DKK3: variants seen among roughly 807,000 people sequenced by gnomAD.
DKK3 encodes the protein dickkopf Wnt signaling pathway inhibitor 3.
Under a neutral mutation model 33.2 loss-of-function variants are expected in DKK3, and 22 were observed. The observed-to-expected ratio is 0.66, with a 90% CI of 0.47 to 0.95. The LOEUF (loss-of-function observed/expected upper bound fraction) is 0.95. Among genes scored for constraint, DKK3 ranks in the 40% least tolerant of loss-of-function variants. DKK3 has a pLI of 0.00. For synonymous variants in DKK3, 194 were observed against 188.8 expected (o/e 1.03, Z -0.23); for missense variants, 398 against 458.4 (o/e 0.87, Z 1.20).
chr11:11,991,011 C>T (rs1005778864), intron 3 of DKK3, among the ~76,000 whole-genome samples: 3 of 152,204 alleles, frequency 2.0e-5, no homozygotes, highest in African/African-American at 7.2e-5. Context: ...TTCAGCAACA[C>T]GGAAACAGCA....
At chr11:12,008,715 C>T, upstream of DKK3, 1 of 1,211,720 alleles carries the variant, frequency 8.3e-7, no homozygotes, top group South Asian at 3.9e-5. This position sits in a 1 kb window ranked among gnomAD's most constrained non-coding sequence, Gnocchi z 4.6. Flanking sequence ...CCCTCTTTCC[C>T]GCACCCGCCC....
chr11:11,986,201 T>A (rs1246457856), intron 3 of DKK3, among the ~76,000 whole-genome samples: 1 of 152,154 alleles, frequency 6.6e-6, no homozygotes, highest in African/African-American at 2.4e-5. Context: ...TGTTCCTGCC[T>A]CCTTTCTGGG....
At chr11:11,998,536 G>T in intron 3 of DKK3, 160 bp downstream of exon 3, 2 of 712,064 alleles carry the variant, frequency 2.8e-6, no homozygotes, top group Non-Finnish European at 5.1e-6. Flanking sequence ...GACTACATCT[G>T]TCTGGTCAGA....
At chr11:11,980,093 C>T (rs533765209) in intron 3 of DKK3, among the ~76,000 whole-genome samples, 1 of 152,334 alleles carries the variant, frequency 6.6e-6, no homozygotes, top group East Asian at 1.9e-4. Flanking sequence ...CATGACTTCC[C>T]TTCAACAATC....
At chr11:11,995,035 G>A (rs989360545) in intron 3 of DKK3, among the ~76,000 whole-genome samples, 2 of 152,148 alleles carry the variant, frequency 1.3e-5, no homozygotes, top group African/African-American at 4.8e-5. Context: ...TCTACAAGCT[G>A]GGTGCTTTTG....
chr11:11,990,697 GCA>G (rs1848169625), intron 3 of DKK3, among the ~76,000 whole-genome samples: 1 of 152,098 alleles, frequency 6.6e-6, no homozygotes, highest in Admixed American at 6.5e-5. Context: ...GCTCCCCCAC[GCA>G]CATCTCCAGC....
rs1015342199 is a variant in DKK3 at position 11,977,561 on chromosome 11, G to A, written c.436-9074C>T. On this transcript the variant is annotated intron_variant, in intron 3 of 6. Coordinates refer to ENST00000683431, the MANE Select transcript of DKK3 (RefSeq NM_001018057.2). ...TGTCATCCCACCTGGGTTGGCAGCC[G>A]TTGGGAGAGCCCTCTCTACCCACTC... Among the ~76,000 whole-genome samples the A allele has an allele frequency of 5.3e-5, 8 of 152,168 alleles. No homozygotes were observed. The East Asian group carries it at 5.8e-4, about 11-fold the overall frequency.
At chr11:11,998,876 G>A (rs1848359335) in intron 2 of DKK3, 97 bp from the exon 3 acceptor site, 2 of 1,192,218 alleles carry the variant, frequency 1.7e-6, no homozygotes, top group Non-Finnish European at 2.5e-6. Flanking sequence ...TCTGAAGCAG[G>A]AGCATCCAGT....
intron 3 of DKK3, among the ~76,000 whole-genome samples, chr11:11,976,694 G>T (rs565930980): frequency 6.6e-6 from 1 of 152,342 alleles, no homozygotes; most frequent in East Asian, 1.9e-4. Context: ...GCCTGCTGCA[G>T]GAGGGCAGGG....
At chr11:11,999,532 G>A (rs556778277) in intron 2 of DKK3, among the ~76,000 whole-genome samples, 1 of 152,358 alleles carries the variant, frequency 6.6e-6, no homozygotes, top group South Asian at 2.1e-4. Context: ...GGCTGAGGCA[G>A]GAGAATTGCT....
rs779750179 is a variant in DKK3 at position 12,008,489 on chromosome 11, C to G, written c.94G>C (p.Val32Leu). 6.2e-7 allele frequency: 1 copy of G among 1,603,038 alleles called. No homozygotes were observed. Among genetic ancestry groups the G allele is most frequent in the Non-Finnish European group, 8.5e-7 (1 of 1,178,256 alleles). Reference sequence around the variant, plus strand: ...TAGCTGAGAGCCGGGCCGGGCTTGACTGGAGCCGAGGTCGCCGTCGGAGCG... The same window carrying G: ...TAGCTGAGAGCCGGGCCGGGCTTGAGTGGAGCCGAGGTCGCCGTCGGAGCG... The part of the protein sequence containing the change: ...APAPTATSAP[V>L]KPGPALSYPQ... Residue 32 changes from valine to leucine, a missense_variant, in exon 1 of 7, where the codon GTC (valine) becomes CTC (leucine). Coordinates refer to ENST00000683431, the MANE Select transcript of DKK3 (RefSeq NM_001018057.2). The surrounding 1 kb of genome is among the most constrained non-coding windows in gnomAD (Gnocchi z 4.6).
At chr11:11,966,325 T>C (rs1391174290) in intron 5 of DKK3, among the ~76,000 whole-genome samples, 9 of 152,024 alleles carry the variant, frequency 5.9e-5, no homozygotes, top group African/African-American at 1.9e-4. Flanking sequence ...AATTCCCAAA[T>C]AGGCCAAGAA....
In DKK3 at chr11:11,984,402, A is replaced by C. The variant is rs1472853628; in HGVS notation, c.435+14294T>G. Among the ~76,000 whole-genome samples the C allele has an allele frequency of 3.3e-5, 5 of 151,266 alleles. No individual in the cohort carries two copies. In the East Asian group the frequency reaches 9.9e-4, roughly 30 times the overall value. On this transcript the variant is annotated intron_variant, in intron 3 of 6. Coordinates refer to ENST00000683431, the MANE Select transcript of DKK3 (RefSeq NM_001018057.2). ...TGTATAACAACAGTAAGAGAAAATA[A>C]AAATATTTGTGATTGCTATTGGTAC...
rs532226603 is a variant in DKK3, at chr11:11,988,577, C to T, written c.435+10119G>A. On this transcript the variant is annotated intron_variant, in intron 3 of 6. Coordinates refer to ENST00000683431, the MANE Select transcript of DKK3 (RefSeq NM_001018057.2). ...TAAACAACCATCATCACCACAAAAC[C>T]TCCTTGGAGGCCTGAGTCCCCCATA... Among the ~76,000 whole-genome samples the T allele has an allele frequency of 1.2e-4, 19 of 152,334 alleles. No homozygotes were observed. The East Asian group carries it at 3.3e-3, about 26-fold the overall frequency.
At chr11:12,004,795 C>T (rs1361572924) in intron 1 of DKK3, among the ~76,000 whole-genome samples, 1 of 152,092 alleles carries the variant, frequency 6.6e-6, no homozygotes, top group Non-Finnish European at 1.5e-5. Context: ...TGTTTTTATC[C>T]CGTTGCCCTT....
intron 3 of DKK3, among the ~76,000 whole-genome samples, chr11:11,975,620 T>C (rs1206746268): frequency 1.3e-5 from 2 of 152,120 alleles, no homozygotes; most frequent in Non-Finnish European, 2.9e-5. Flanking sequence ...GCAGAGGTGG[T>C]CCTCTGGTAA....
chr11:11,998,670 C>A, intron 3 of DKK3, 26 bp downstream of exon 3: 1 of 1,596,456 alleles, frequency 6.3e-7, no homozygotes, highest in Non-Finnish European at 8.6e-7. Flanking sequence ...TGTCGGGGTG[C>A]AAGTACAGGG....
chr11:11,990,888 T>C (rs946520137), intron 3 of DKK3, among the ~76,000 whole-genome samples: 1 of 152,122 alleles, frequency 6.6e-6, no homozygotes, highest in Non-Finnish European at 1.5e-5. Context: ...TGTCAAGAAG[T>C]GTGAAGGGTC....
intron 3 of DKK3, among the ~76,000 whole-genome samples, chr11:11,984,767 G>T (rs1848030788): frequency 6.6e-6 from 1 of 152,024 alleles, no homozygotes; most frequent in Non-Finnish European, 1.5e-5. Context: ...CCCTGGCAGG[G>T]CTGCTGGGTG....
Sources: allele counts gnomAD v4.1 joint callset (sites outside exome capture counted in the v4.1 genomes callset), GRCh38; gene constraint gnomAD v4.1.1; non-coding constraint Gnocchi (gnomAD v3.1); transcripts MANE v1.5; gene names NCBI Gene and HGNC (gene_info 2026-07-23, HGNC 2026-07-21).